Variants in CACNA2D1 observed in about 807,000 individuals in gnomAD.
CACNA2D1 encodes calcium voltage-gated channel auxiliary subunit alpha2delta 1, also known as voltage-dependent calcium channel subunit alpha-2/delta-1.
CACNA2D1 carries 53 observed loss-of-function variants against 171.5 expected under a neutral mutation model. The observed-to-expected ratio is 0.31, with a 90% CI of 0.25 to 0.39. The LOEUF (loss-of-function observed/expected upper bound fraction) is 0.39. Ranked by LOEUF, CACNA2D1 falls within the 10% of genes least tolerant of loss-of-function variation. CACNA2D1 has a pLI of 1.00. For synonymous variants in CACNA2D1, 442 were observed against 443.1 expected (o/e 1.00, Z 0.03); for missense variants, 903 against 1,299.8 (o/e 0.69, Z 4.69).
At chr7:82,304,380 T>C (rs1346406768) in intron 3 of CACNA2D1, among the ~76,000 whole-genome samples, 1 of 151,316 alleles carries the variant, frequency 6.6e-6, no homozygotes, top group Non-Finnish European at 1.5e-5. Flanking sequence ...ATCAGCGTAT[T>C]AAAAGGATAC....
Position 81,962,093 on chromosome 7 carries a change from G to A in CACNA2D1, c.2837-70C>T, listed in dbSNP as rs146923887. The A allele has an allele frequency of 0.021, 30,760 of 1,435,536 alleles. 385 individuals carry two copies. The highest frequency in any genetic ancestry group is 0.026 in the Non-Finnish European group (26,605 of 1,021,798). The allele number at this position is 1,435,536 out of a possible 1,614,324, so 88.9% of individuals were successfully genotyped here. ...AGGGGTCTCTGTAGTCACTCCCCTC[G>A]AGTCTTCACTTCTCACAGAGCAAAA... On this transcript the variant is annotated intron_variant, in intron 35 of 38. Transcript: ENST00000356860.
intron 10 of CACNA2D1, among the ~76,000 whole-genome samples, chr7:82,059,799 T>G (rs563799073): frequency 6.6e-6 from 1 of 150,780 alleles, no homozygotes; most frequent in South Asian, 2.1e-4. Context: ...ATATACACCA[T>G]GGAATACTAT....
chr7:81,974,814 T>C (rs189438428), intron 24 of CACNA2D1, among the ~76,000 whole-genome samples: 1 of 152,044 alleles, frequency 6.6e-6, no homozygotes, highest in Non-Finnish European at 1.5e-5. Flanking sequence ...CTATTATCAT[T>C]GTATATCTTA....
chr7:82,201,945 C>G (rs28421791), intron 3 of CACNA2D1, among the ~76,000 whole-genome samples: 15,289 of 152,164 alleles, frequency 0.1, 1,233 homozygotes, highest in African/African-American at 0.22. Flanking sequence ...ATTTCAGGCT[C>G]TGCTTCTAGG....
intron 1 of CACNA2D1, among the ~76,000 whole-genome samples, chr7:82,365,408 G>A (rs1821569892): frequency 6.6e-6 from 1 of 152,196 alleles, no homozygotes; most frequent in Non-Finnish European, 1.5e-5. Context: ...ACATGGAACT[G>A]TGAAGACAAT....
chr7:82,227,199 C>T (rs1292431969), intron 3 of CACNA2D1, among the ~76,000 whole-genome samples: 1 of 152,108 alleles, frequency 6.6e-6, no homozygotes. Context: ...TCAATGAGTT[C>T]AGGAATTTCA....
At chr7:81,977,619 C>T (rs150529542) in intron 24 of CACNA2D1, among the ~76,000 whole-genome samples, 2,536 of 152,174 alleles carry the variant, frequency 0.017, 66 homozygotes, top group African/African-American at 0.058. Flanking sequence ...AAATGTAATA[C>T]CTAAAACCAT....
At chr7:82,252,614 G>A (rs576539117) in intron 3 of CACNA2D1, among the ~76,000 whole-genome samples, 27 of 152,262 alleles carry the variant, frequency 1.8e-4, no homozygotes, top group South Asian at 1.5e-3. Context: ...ACACTTGGCC[G>A]GGCGTGGTGG....
chr7:81,959,418 CA>C lies in CACNA2D1; in HGVS notation c.3077-62del, dbSNP rs984917702. 70 of 1,129,260 alleles carry C rather than the reference CA, an allele frequency of 6.2e-5. No individual in the cohort carries two copies. The African/African-American group carries it at 1.0e-3, about 16-fold the overall frequency. 70.0% of individuals were successfully genotyped at this position (1,129,260 alleles called of 1,614,324 possible). A position where few individuals can be genotyped will look rare whatever the true frequency, so the allele number is the denominator to read the frequency against. ...TTTTTCACATGATTAAAAATAAATACAATGCAATGTATTTCCCAAAACATGT... is the reference window on the plus strand; with the variant it reads ...TTTTTCACATGATTAAAAATAAATACATGCAATGTATTTCCCAAAACATGT... On this transcript the variant is annotated intron_variant, in intron 37 of 38. Coordinates refer to ENST00000356860, the MANE Select transcript of CACNA2D1 (RefSeq NM_000722.4).
chr7:82,321,343 G>T (rs1815842613), intron 3 of CACNA2D1, among the ~76,000 whole-genome samples: 1 of 152,048 alleles, frequency 6.6e-6, no homozygotes, highest in African/African-American at 2.4e-5. Context: ...AGGTTGCAGT[G>T]GGCCGAGATG....
At chr7:82,011,842 T>C (rs1799815569) in intron 15 of CACNA2D1, among the ~76,000 whole-genome samples, 1 of 151,880 alleles carries the variant, frequency 6.6e-6, no homozygotes, top group African/African-American at 2.4e-5. Context: ...ACTTTCATCT[T>C]TTTTTTTACA....
chr7:82,033,598 C>T (rs924976717), intron 11 of CACNA2D1, among the ~76,000 whole-genome samples: 2 of 151,954 alleles, frequency 1.3e-5, no homozygotes, highest in Non-Finnish European at 1.5e-5. Flanking sequence ...TCTTTTGTTC[C>T]TTTGTAAATG....
chr7:82,109,901 A>C (rs1008694283), intron 6 of CACNA2D1, among the ~76,000 whole-genome samples: 1 of 152,182 alleles, frequency 6.6e-6, no homozygotes, highest in Non-Finnish European at 1.5e-5. Context: ...ACTTGCATCC[A>C]CTTCTGTTAG....
intron 15 of CACNA2D1, 134 bp from the exon 16 acceptor site, chr7:82,007,890 T>G (rs527880474): frequency 2.1e-4 from 139 of 649,066 alleles, no homozygotes; most frequent in Non-Finnish European, 2.7e-4. Context: ...GTAACTCATT[T>G]TGAATATCTA....
intron 4 of CACNA2D1, among the ~76,000 whole-genome samples, chr7:82,150,107 G>A (rs10270540): frequency 0.63 from 96,016 of 151,478 alleles, 31,229 homozygotes; most frequent in African/African-American, 0.79. Flanking sequence ...TGCTTAAACG[G>A]CTTTAAGCAT....
chr7:81,962,990 C>T (rs1794324190), intron 34 of CACNA2D1, among the ~76,000 whole-genome samples: 1 of 151,556 alleles, frequency 6.6e-6, no homozygotes, highest in Non-Finnish European at 1.5e-5. Flanking sequence ...ACAAAATATA[C>T]ATATTAGAGA....
chr7:82,081,920 C>T (rs1445994393), intron 7 of CACNA2D1, among the ~76,000 whole-genome samples: 2 of 152,194 alleles, frequency 1.3e-5, no homozygotes, highest in African/African-American at 4.8e-5. Flanking sequence ...CAGAAGCGGG[C>T]TCTATGTGGG....
chr7:82,109,524 G>C (rs1788125296), intron 6 of CACNA2D1, among the ~76,000 whole-genome samples: 1 of 152,156 alleles, frequency 6.6e-6, no homozygotes. Flanking sequence ...ACAAGAATGA[G>C]TCAGCATCCT....
chr7:82,408,841 A>C (rs1425481136), intron 1 of CACNA2D1, among the ~76,000 whole-genome samples: 1 of 152,202 alleles, frequency 6.6e-6, no homozygotes, highest in Non-Finnish European at 1.5e-5. Context: ...GTCCCAAGAA[A>C]TTTTATGTAC....
Sources: allele counts gnomAD v4.1 joint callset (sites outside exome capture counted in the v4.1 genomes callset), GRCh38; gene constraint gnomAD v4.1.1; transcripts MANE v1.5; gene names NCBI Gene and HGNC (gene_info 2026-07-23, HGNC 2026-07-21).